The following WDR11 variants were observed in gnomAD, a reference collection of about 807,000 sequenced individuals.
WDR11 encodes WD repeat-containing protein 11.
Under a neutral mutation model 151.2 loss-of-function variants are expected in WDR11, and 83 were observed. That is an observed-to-expected ratio of 0.55 (90% CI 0.46 to 0.66). The LOEUF (loss-of-function observed/expected upper bound fraction) is 0.66, where lower values mean the gene tolerates loss of function less well. Among genes scored for constraint, WDR11 ranks in the 30% least tolerant of loss-of-function variants. The pLI is 0.00. For synonymous variants in WDR11, 484 were observed against 533.1 expected (o/e 0.91, Z 1.27); for missense variants, 1,301 against 1,480.9 (o/e 0.88, Z 1.99).
chr10:120,865,857 A>C (rs1297787056), intron 7 of WDR11, 113 bp downstream of exon 7: 45 of 726,790 alleles, frequency 6.2e-5, no homozygotes, highest in Non-Finnish European at 1.0e-4. Flanking sequence ...TGCTTTGAGG[A>C]AGTTTAAAAT....
intron 9 of WDR11, among the ~76,000 whole-genome samples, chr10:120,867,460 A>G (rs1176895845): frequency 1.3e-5 from 2 of 152,226 alleles, no homozygotes; most frequent in Non-Finnish European, 2.9e-5. Flanking sequence ...TTGGACCTAG[A>G]GCCGATGCTG....
intron 19 of WDR11, among the ~76,000 whole-genome samples, chr10:120,897,597 C>G (rs1847657809): frequency 6.6e-6 from 1 of 152,032 alleles, no homozygotes; most frequent in Non-Finnish European, 1.5e-5. Flanking sequence ...AATGTTTAAC[C>G]CGAATCTGAT....
Position 120,889,739 on chromosome 10 carries a change from C to T in WDR11, c.2229-156C>T, listed in dbSNP as rs1847353507. 1.5e-5 allele frequency: 10 copies of T among 673,378 alleles called. No homozygotes were observed. In the South Asian group the frequency reaches 1.6e-4, roughly 11 times the overall value. The allele number at this position is 673,378 out of a possible 1,614,324, so 41.7% of individuals were successfully genotyped here. On this transcript the variant is annotated intron_variant, in intron 17 of 28. Coordinates refer to ENST00000263461, the MANE Select transcript of WDR11 (RefSeq NM_018117.12). Reference sequence around the variant, plus strand: ...TCTTAGCTGACCTTAAAGGGCAGGCCCTTTCTGTCAGATGTGGCCCCCAGT... The same window carrying T: ...TCTTAGCTGACCTTAAAGGGCAGGCTCTTTCTGTCAGATGTGGCCCCCAGT...
chr10:120,873,642 G>C (rs1397283968), intron 10 of WDR11, among the ~76,000 whole-genome samples, 197 bp from the exon 11 acceptor site: 1 of 152,178 alleles, frequency 6.6e-6, no homozygotes, highest in Non-Finnish European at 1.5e-5. Flanking sequence ...GAGCACGTGA[G>C]GTTAGGCCCA....
chr10:120,864,234 C>T (rs1446011945), intron 5 of WDR11, among the ~76,000 whole-genome samples: 5 of 152,126 alleles, frequency 3.3e-5, no homozygotes, highest in South Asian at 2.1e-4. Context: ...ACATGGCAGT[C>T]GGGATTTTAA....
At chr10:120,854,165 T>C (rs1055552667) in intron 2 of WDR11, among the ~76,000 whole-genome samples, 1 of 152,208 alleles carries the variant, frequency 6.6e-6, no homozygotes, top group African/African-American at 2.4e-5. Flanking sequence ...CTATATCCAC[T>C]AGCAGTCATA....
chr10:120,858,594 G>A, intron 2 of WDR11, 49 bp from the exon 3 acceptor site: 1 of 1,610,646 alleles, frequency 6.2e-7, no homozygotes, highest in Non-Finnish European at 8.5e-7. Context: ...ATTATGTTCT[G>A]TTTCATCCAG....
intron 14 of WDR11, 79 bp downstream of exon 14, chr10:120,883,967 A>G (rs1406004940): frequency 8.5e-7 from 1 of 1,181,774 alleles, no homozygotes; most frequent in Non-Finnish European, 1.2e-6. Flanking sequence ...GCTTGAATCA[A>G]AATCATTACT....
intron 27 of WDR11, chr10:120,906,384 G>T (rs1262058316): frequency 2.4e-6 from 3 of 1,243,204 alleles, no homozygotes; most frequent in Non-Finnish European, 3.1e-6. Context: ...GAGACATCCC[G>T]TCTGAAAATC....
intron 6 of WDR11, 114 bp from the exon 7 acceptor site, chr10:120,865,516 T>G: frequency 2.7e-6 from 2 of 754,420 alleles, no homozygotes; most frequent in Non-Finnish European, 4.3e-6. Context: ...AAGTTTGGGA[T>G]TTGTCTATTT....
At chr10:120,861,792 A>G (rs202097578) in intron 4 of WDR11, among the ~76,000 whole-genome samples, 2 of 74,366 alleles carry the variant, frequency 2.7e-5, no homozygotes, top group African/African-American at 3.7e-5. Flanking sequence ...GTTGAGGGAG[A>G]TTATTTTTTC....
chr10:120,897,881 T>A (rs1205762375), intron 19 of WDR11, among the ~76,000 whole-genome samples: 1 of 152,222 alleles, frequency 6.6e-6, no homozygotes. Context: ...ATATTAAAAT[T>A]CTTGGGTGTA....
In WDR11 at chr10:120,878,397, C is replaced by A; in HGVS notation, c.1601C>A (p.Thr534Asn). ...TTGACTAGTTTTCTTTCTTTTGCTA[C>A]CTCAACACCAAACAATATGGGATTA... The part of the protein sequence containing the change: ...TSLTSFLSFA[T>N]STPNNMGLVR... The change falls in exon 12 of 29, where the codon ACC becomes AAC. Residue 534 changes from threonine to asparagine, a missense_variant. This residue lies in a region of WDR11 where 692 missense variants were observed against 762.5 expected (regional missense o/e 0.91). Coordinates refer to ENST00000263461, the MANE Select transcript of WDR11 (RefSeq NM_018117.12). 6.2e-7 allele frequency: 1 copy of A among 1,613,246 alleles called. No homozygotes were observed. The highest frequency in any genetic ancestry group is 8.5e-7 in the Non-Finnish European group (1 of 1,179,546).
chr10:120,856,543 C>T (rs141837535), intron 2 of WDR11, among the ~76,000 whole-genome samples: 2,802 of 137,654 alleles, frequency 0.02, 49 homozygotes, highest in Middle Eastern at 0.049. Context: ...CCACTGCACT[C>T]CAGCCTCGGC....
chr10:120,866,735 T>C lies in WDR11; in HGVS notation c.1161T>C (p.Ser387=). The C allele has an allele frequency of 6.2e-7, 1 of 1,614,180 alleles. No individual in the cohort carries two copies. Among genetic ancestry groups the C allele is most frequent in the Non-Finnish European group, 8.5e-7 (1 of 1,180,016 alleles). The change falls in exon 8 of 29, where the codon TCT becomes TCC. Residue 387 remains serine (S), a synonymous_variant. Coordinates refer to ENST00000263461, the MANE Select transcript of WDR11 (RefSeq NM_018117.12). ...GGGTCATGATATGGGAACTCAAGTC[T>C]GCAGTTTGTAATCGAAATTCACGGA... is the stretch of plus-strand genomic sequence containing the variant. The part of the protein sequence containing the change: ...DGRVMIWELK[S]AVCNRNSRNS...
At chr10:120,900,996 T>G (rs980521288) in intron 20 of WDR11, 40 bp from the exon 21 acceptor site, 1 of 1,374,020 alleles carries the variant, frequency 7.3e-7, no homozygotes, top group African/African-American at 1.4e-5. Flanking sequence ...TGGTTTTAAG[T>G]GAAGAGATAA....
rs753981665 is a variant in WDR11, at chr10:120,900,189, C to T, written c.2624+52C>T. The T allele has an allele frequency of 2.7e-6, 4 of 1,487,052 alleles. No homozygotes were observed. In the South Asian group the frequency reaches 4.5e-5, roughly 17 times the overall value. 92.1% of individuals were successfully genotyped at this position (1,487,052 alleles called of 1,614,324 possible). ...TCATAATTTACTTGGGGTTGAAAGA[C>T]ACCCATGAAAGTCAGCCATGGCCTG... On this transcript the variant is annotated intron_variant, in intron 20 of 28. Transcript: ENST00000263461.
intron 12 of WDR11, 159 bp from the exon 13 acceptor site, chr10:120,880,667 A>AC (rs398114850): frequency 6.8e-4 from 470 of 688,312 alleles, no homozygotes; most frequent in Non-Finnish European, 9.5e-4. Flanking sequence ...AAAAAAAAAA[A>AC]CCCGAAAAAA....
intron 9 of WDR11, among the ~76,000 whole-genome samples, 189 bp downstream of exon 9, chr10:120,867,358 G>A (rs1402598094): frequency 6.6e-6 from 1 of 152,232 alleles, no homozygotes; most frequent in Non-Finnish European, 1.5e-5. Context: ...GCCTGAAGTA[G>A]CACGGGTTTG....
Sources: gnomAD v4.1 joint callset for allele counts (sites outside exome capture counted in the v4.1 genomes callset) on GRCh38, gnomAD v4.1.1 for gene constraint, gnomAD v4.1.1 regional missense constraint, MANE v1.5 for transcripts, NCBI Gene and HGNC (gene_info 2026-07-23, HGNC 2026-07-21) for gene names.